Variants in NTM observed in about 807,000 individuals in gnomAD.
NTM encodes the protein IgLON family member 2.
NTM carries 13 observed loss-of-function variants against 42.1 expected under a neutral mutation model. The observed-to-expected ratio is 0.31, with a 90% CI of 0.20 to 0.49. The LOEUF (loss-of-function observed/expected upper bound fraction) is 0.49, where lower values mean the gene tolerates loss of function less well. Among genes scored for constraint, NTM ranks in the 20% least tolerant of loss-of-function variants. The pLI is 0.99. For synonymous variants in NTM, 187 were observed against 179.2 expected (o/e 1.04, Z -0.35); for missense variants, 373 against 452.8 (o/e 0.82, Z 1.60).
intron 7 of NTM, among the ~76,000 whole-genome samples, chr11:132,316,202 C>A: frequency 6.8e-6 from 1 of 147,530 alleles, no homozygotes; most frequent in Non-Finnish European, 1.5e-5. Context: ...TTGTATACTT[C>A]CCCGGCTTCT....
intron 4 of NTM, among the ~76,000 whole-genome samples, chr11:132,218,598 A>G (rs773117093): frequency 1.6e-4 from 24 of 152,122 alleles, no homozygotes; most frequent in Non-Finnish European, 2.4e-4. Context: ...CTGCCTGCCT[A>G]TCTTCTGCTA....
chr11:132,134,541 G>A (rs1434494655), intron 2 of NTM, among the ~76,000 whole-genome samples: 28 of 151,008 alleles, frequency 1.9e-4, no homozygotes, highest in Non-Finnish European at 1.5e-5. Flanking sequence ...GAGTCCTCAT[G>A]GCTTGGCTCC....
At chr11:131,674,956 G>C (rs1490045810) in intron 1 of NTM, among the ~76,000 whole-genome samples, 1 of 152,178 alleles carries the variant, frequency 6.6e-6, no homozygotes, top group African/African-American at 2.4e-5. Context: ...AAAGCTCCCA[G>C]TGTGCCAGAT....
intron 1 of NTM, among the ~76,000 whole-genome samples, chr11:131,415,187 A>G (rs1298324902): frequency 2.0e-5 from 3 of 152,226 alleles, no homozygotes; most frequent in Admixed American, 6.5e-5. Context: ...TTTCTAAGTC[A>G]ATGGGTTTTG....
chr11:132,277,437 G>A (rs537240333), intron 4 of NTM, among the ~76,000 whole-genome samples: 1 of 152,242 alleles, frequency 6.6e-6, no homozygotes, highest in Non-Finnish European at 1.5e-5. Context: ...AGAGATGAAA[G>A]GTGGCATTGC....
chr11:131,394,372 C>G (rs1418104255), intron 1 of NTM, among the ~76,000 whole-genome samples: 1 of 152,230 alleles, frequency 6.6e-6, no homozygotes, highest in Non-Finnish European at 1.5e-5. Flanking sequence ...TGCCCCCCAG[C>G]CTTTTGCCTG....
At position 132,212,004 on chromosome 11, in the gene NTM, T is replaced by G. The variant is rs1419423052; in HGVS notation, c.401-18T>G. The G allele has an allele frequency of 6.2e-7, 1 of 1,600,948 alleles. No individual in the cohort carries two copies. Among genetic ancestry groups the G allele is most frequent in the East Asian group, 2.2e-5 (1 of 44,728 alleles). On this transcript the variant is annotated intron_variant, in intron 3 of 8. Coordinates refer to ENST00000683400, the MANE Select transcript of NTM (RefSeq NM_001352005.2). ...GTTTCAGGAGGATTTTTATTTTCAT[T>G]CTGTCTTGTTTCCACAGTATCTCCC... is the stretch of plus-strand genomic sequence containing the variant.
intron 2 of NTM, among the ~76,000 whole-genome samples, chr11:132,108,523 G>A (rs576241921): frequency 2.6e-5 from 4 of 152,152 alleles, no homozygotes; most frequent in Admixed American, 6.5e-5. Context: ...GGACTCTGGG[G>A]ACTTGGGAGG....
At chr11:131,509,279 C>A (rs1207079727) in intron 1 of NTM, among the ~76,000 whole-genome samples, 1 of 152,112 alleles carries the variant, frequency 6.6e-6, no homozygotes, top group East Asian at 1.9e-4. Context: ...CCAAAGACCA[C>A]TTGGTTTTGG....
At chr11:131,664,386 T>G (rs2068621788) in intron 1 of NTM, among the ~76,000 whole-genome samples, 1 of 152,246 alleles carries the variant, frequency 6.6e-6, no homozygotes, top group African/African-American at 2.4e-5. Flanking sequence ...TTTCTGAATC[T>G]AGTTCTTGAT....
chr11:132,271,565 C>A (rs1366849098), intron 4 of NTM, among the ~76,000 whole-genome samples: 3 of 152,056 alleles, frequency 2.0e-5, no homozygotes, highest in Non-Finnish European at 4.4e-5. Flanking sequence ...TTGTTATTAT[C>A]CATCTTTTTT....
At chr11:131,644,089 G>T (rs1368848509) in intron 1 of NTM, among the ~76,000 whole-genome samples, 1 of 152,196 alleles carries the variant, frequency 6.6e-6, no homozygotes, top group Non-Finnish European at 1.5e-5. Context: ...TGGTGGTATG[G>T]CTTCGGCTGA....
At chr11:131,995,572 G>C (rs1023392026) in intron 2 of NTM, among the ~76,000 whole-genome samples, 1 of 152,146 alleles carries the variant, frequency 6.6e-6, no homozygotes, top group African/African-American at 2.4e-5. Flanking sequence ...AAGTGGAAGA[G>C]AGTGTGAGAT....
chr11:131,374,773 C>T (rs10750476), intron 1 of NTM, among the ~76,000 whole-genome samples: 41,978 of 152,098 alleles, frequency 0.28, 6,489 homozygotes, highest in East Asian at 0.61. Flanking sequence ...GCTCTCTCAA[C>T]ATCCCAAGAA....
At chr11:131,968,123 A>C (rs2063070797) in intron 2 of NTM, among the ~76,000 whole-genome samples, 1 of 152,184 alleles carries the variant, frequency 6.6e-6, no homozygotes, top group Non-Finnish European at 1.5e-5. Context: ...TACAATTATC[A>C]CAATGCACTC....
At chr11:131,462,529 T>A (rs569238929) in intron 1 of NTM, among the ~76,000 whole-genome samples, 1 of 152,350 alleles carries the variant, frequency 6.6e-6, no homozygotes, top group Admixed American at 6.5e-5. Flanking sequence ...AGTTAGTGAA[T>A]TCGGTTCAGC....
intron 2 of NTM, among the ~76,000 whole-genome samples, chr11:132,131,611 T>C (rs957751261): frequency 1.3e-5 from 2 of 151,926 alleles, no homozygotes; most frequent in African/African-American, 4.8e-5. Flanking sequence ...GGTTGGGGCA[T>C]GGGAGAGCAT....
intron 1 of NTM, chr11:131,540,734 G>A (rs1422077359): frequency 6.6e-6 from 1 of 152,226 alleles, no homozygotes; most frequent in African/African-American, 2.4e-5. Flanking sequence ...ACAGGCCTTT[G>A]CATGGCAGCC....
chr11:131,494,657 CATAA>C (rs1258620180), intron 1 of NTM, among the ~76,000 whole-genome samples: 2 of 152,112 alleles, frequency 1.3e-5, no homozygotes, highest in African/African-American at 4.8e-5. Context: ...TGAATGAACG[CATAA>C]ATAAATGGAT....
Sources: gnomAD v4.1 joint callset for allele counts (sites outside exome capture counted in the v4.1 genomes callset) on GRCh38, gnomAD v4.1.1 for gene constraint, MANE v1.5 for transcripts, NCBI Gene and HGNC (gene_info 2026-07-23, HGNC 2026-07-21) for gene names.